Variants in MAD1L1 observed in about 807,000 individuals in gnomAD.
MAD1L1 encodes mitotic arrest deficient 1 like 1.
Under a neutral mutation model 96.9 loss-of-function variants are expected in MAD1L1, and 95 were observed. The ratio of observed to expected loss-of-function variants is 0.98; its 90% CI spans 0.83 to 1.16. MAD1L1 has a LOEUF of 1.16. MAD1L1 is among the 50% of genes most tolerant of loss of function. MAD1L1 has a pLI of 0.00. For missense variants in MAD1L1, 1,007 were observed against 954.4 expected (o/e 1.06, Z -0.73); for synonymous variants, 473 against 396.6 (o/e 1.19, Z -2.29).
intron 11 of MAD1L1, among the ~76,000 whole-genome samples, chr7:2,117,495 C>T (rs1174401372): frequency 6.6e-6 from 1 of 152,210 alleles, no homozygotes; most frequent in East Asian, 1.9e-4. Flanking sequence ...ATAATGCCCA[C>T]ATGTCATGGG....
At chr7:2,092,560 G>A (rs1475602913) in intron 11 of MAD1L1, among the ~76,000 whole-genome samples, 3 of 151,496 alleles carry the variant, frequency 2.0e-5, no homozygotes, top group Non-Finnish European at 4.4e-5. Context: ...CCCCGCCCGA[G>A]CATCCTCCCC....
intron 11 of MAD1L1, among the ~76,000 whole-genome samples, chr7:2,080,458 C>G (rs1214469593): frequency 6.6e-6 from 1 of 152,226 alleles, no homozygotes; most frequent in Non-Finnish European, 1.5e-5. Flanking sequence ...CTCCCCGCCT[C>G]GGCCACTGCA....
intron 15 of MAD1L1, among the ~76,000 whole-genome samples, chr7:1,970,247 C>T (rs998465909): frequency 6.6e-6 from 1 of 151,808 alleles, no homozygotes; most frequent in African/African-American, 2.4e-5. Flanking sequence ...TGTTATTTTG[C>T]ACTCTGATTA....
At chr7:1,865,760 C>T (rs772166840) in intron 18 of MAD1L1, among the ~76,000 whole-genome samples, 1 of 152,264 alleles carries the variant, frequency 6.6e-6, no homozygotes, top group Non-Finnish European at 1.5e-5. Flanking sequence ...CGCAAAGGCA[C>T]AGACCCAGAG....
chr7:2,226,431 G>A (rs943905545), intron 3 of MAD1L1, among the ~76,000 whole-genome samples: 2 of 151,696 alleles, frequency 1.3e-5, no homozygotes, highest in African/African-American at 4.8e-5. Context: ...CAGGACTAGT[G>A]ATTACAGGTG....
Position 2,094,591 on chromosome 7 carries a change from G to T in MAD1L1, c.1074-25253C>A, listed in dbSNP as rs186521007. Reference sequence around the variant, plus strand: ...GACAGGAAGGAAAGTCAGGAAGGCTGCTGCTATCCAGACAGGGTGCTCCAG... The same window carrying T: ...GACAGGAAGGAAAGTCAGGAAGGCTTCTGCTATCCAGACAGGGTGCTCCAG... On this transcript the variant is annotated intron_variant, in intron 11 of 18. Transcript: ENST00000265854. Among the ~76,000 whole-genome samples, 179 of 152,252 alleles carry T rather than the reference G, an allele frequency of 1.2e-3. 2 individuals carry two copies. Among genetic ancestry groups the T allele is most frequent in the African/African-American group, 4.2e-3 (175 of 41,484 alleles).
chr7:1,996,495 T>C (rs1781568743), intron 14 of MAD1L1, among the ~76,000 whole-genome samples: 1 of 152,234 alleles, frequency 6.6e-6, no homozygotes, highest in Admixed American at 6.5e-5. Flanking sequence ...AGCTTCTTCA[T>C]GGGCCCACGG....
chr7:2,001,032 G>A (rs1038738395), intron 14 of MAD1L1, among the ~76,000 whole-genome samples: 2 of 152,174 alleles, frequency 1.3e-5, no homozygotes. Context: ...ACCCACAACC[G>A]CCACAGGCTG....
Position 2,205,084 on chromosome 7 carries a change from CTTTTTTTTTTTT to C in MAD1L1, c.986+8116_986+8127del, listed in dbSNP as rs56101356. 4.8e-5 allele frequency among the ~76,000 whole-genome samples: 5 copies of C among 103,862 alleles called. 1 individual carries two copies. Among genetic ancestry groups the C allele is most frequent in the African/African-American group, 1.8e-4 (5 of 27,862 alleles). The allele number at this position is 103,862 out of a possible 152,430, so 68.1% of individuals were successfully genotyped here. A position where few individuals can be genotyped will look rare whatever the true frequency, so the allele number is the denominator to read the frequency against. ...TGCTTCTAACCTCACAGGATCTTTT[CTTTTTTTTTTTT>C]TTTTTTTTTTTGCTTATTCTAATAC... On this transcript the variant is annotated intron_variant, in intron 10 of 18. Transcript: ENST00000265854.
At chr7:1,851,101 T>C (rs1288574659) in intron 18 of MAD1L1, among the ~76,000 whole-genome samples, 1 of 152,248 alleles carries the variant, frequency 6.6e-6, no homozygotes, top group Admixed American at 6.5e-5. Flanking sequence ...CACAAGCGTC[T>C]GTGCCAGAAT....
chr7:1,854,024 G>A (rs1008550283), intron 18 of MAD1L1, among the ~76,000 whole-genome samples: 6 of 152,208 alleles, frequency 3.9e-5, no homozygotes, highest in Admixed American at 6.5e-5. Flanking sequence ...GGAGCTTCAC[G>A]ATTAATATCA....
At chr7:1,837,566 T>G (rs183470011) in intron 18 of MAD1L1, among the ~76,000 whole-genome samples, 77 of 152,376 alleles carry the variant, frequency 5.1e-4, no homozygotes, top group Non-Finnish European at 1.0e-3. Flanking sequence ...AACATCTGGA[T>G]GGATGAAGAC....
At chr7:1,935,782 C>T (rs60326976) in intron 17 of MAD1L1, among the ~76,000 whole-genome samples, 5,879 of 152,322 alleles carry the variant, frequency 0.039, 241 homozygotes, top group African/African-American at 0.097. Context: ...CCTCGAGATG[C>T]CAAAGGCCAG....
chr7:1,857,040 A>G (rs983036965), intron 18 of MAD1L1, among the ~76,000 whole-genome samples: 3 of 152,132 alleles, frequency 2.0e-5, no homozygotes, highest in Non-Finnish European at 4.4e-5. Flanking sequence ...CACTCGGGTG[A>G]GGACGAGGAG....
At chr7:1,852,708 G>A (rs1402407441) in intron 18 of MAD1L1, among the ~76,000 whole-genome samples, 1 of 152,308 alleles carries the variant, frequency 6.6e-6, no homozygotes, top group South Asian at 2.1e-4. Context: ...TAATCATACC[G>A]CTAAATCACC....
chr7:2,006,033 C>T lies in MAD1L1; in HGVS notation c.1360-3912G>A, dbSNP rs528843421. Among the ~76,000 whole-genome samples, 17 of 151,896 alleles carry T rather than the reference C, an allele frequency of 1.1e-4. No homozygotes were observed. The South Asian group carries it at 2.7e-3, about 24-fold the overall frequency. On this transcript the variant is annotated intron_variant, in intron 13 of 18. Transcript: ENST00000265854. ...CTCCATGGGCATGGAGATGGGGGAGCGGCAGGGAGGCAGGAGGGAGCTCAG... is the reference window on the plus strand; with the variant it reads ...CTCCATGGGCATGGAGATGGGGGAGTGGCAGGGAGGCAGGAGGGAGCTCAG...
At chr7:1,963,387 C>T (rs1033270452) in intron 15 of MAD1L1, among the ~76,000 whole-genome samples, 1 of 152,136 alleles carries the variant, frequency 6.6e-6, no homozygotes, top group Non-Finnish European at 1.5e-5. Flanking sequence ...CGCCAATCTA[C>T]AGTGATGGAA....
At chr7:2,138,560 T>A (rs1788869832) in intron 11 of MAD1L1, among the ~76,000 whole-genome samples, 1 of 152,152 alleles carries the variant, frequency 6.6e-6, no homozygotes, top group African/African-American at 2.4e-5. Flanking sequence ...ACTTCCGGCT[T>A]GTTAGGAGAA....
chr7:2,211,572 T>A (rs767747940), intron 10 of MAD1L1, among the ~76,000 whole-genome samples: 4 of 152,200 alleles, frequency 2.6e-5, no homozygotes, highest in Non-Finnish European at 4.4e-5. Context: ...GGCCAGAGTA[T>A]GCCTGGGAGC....
Sources: allele counts gnomAD v4.1 joint callset (sites outside exome capture counted in the v4.1 genomes callset), GRCh38; gene constraint gnomAD v4.1.1; transcripts MANE v1.5; gene names NCBI Gene and HGNC (gene_info 2026-07-23, HGNC 2026-07-21).